NGF: variants seen among roughly 807,000 people sequenced by gnomAD.
NGF encodes nerve growth factor.
A neutral mutation model predicts 12.8 loss-of-function variants in NGF; 4 were observed. The ratio of observed to expected loss-of-function variants is 0.31; its 90% CI spans 0.15 to 0.72. The LOEUF is 0.72. Among genes scored for constraint, NGF ranks in the 30% least tolerant of loss-of-function variants. The probability of loss-of-function intolerance (pLI) is 0.69; values close to 1 mark genes in which losing one functional copy is unlikely to be tolerated. For synonymous variants in NGF, 140 were observed against 130.0 expected (o/e 1.08, Z -0.52); for missense variants, 283 against 330.8 (o/e 0.86, Z 1.12).
chr1:115,337,289 T>G lies in NGF; in HGVS notation c.-137+915A>C, dbSNP rs995026222. On this transcript the variant is annotated intron_variant, in intron 1 of 2. Transcript: ENST00000369512. ...TTTGTTTTTTTTTTTTTTTTTTTTT[T>G]TTTTTTTTTTTTTTTTAGAAGGAGG... Among the ~76,000 whole-genome samples the G allele has an allele frequency of 5.2e-4, 70 of 134,710 alleles. 3 individuals carry two copies. The highest frequency in any genetic ancestry group is 1.6e-3 in the African/African-American group (56 of 35,632). The allele number at this position is 134,710 out of a possible 152,430, so 88.4% of individuals were successfully genotyped here.
At position 115,286,235 on chromosome 1, in the gene NGF, G is replaced by A. The variant is rs779744960; in HGVS notation, c.561C>T (p.Ser187=). The A allele has an allele frequency of 1.3e-4, 203 of 1,614,012 alleles. No individual in the cohort carries two copies. Among genetic ancestry groups the A allele is most frequent in the Non-Finnish European group, 1.6e-4 (184 of 1,180,030 alleles). ...TKCRDPNPVD[S]GCRGIDSKHW... ...GCTTTGAGTCAATGCCCCGGCACCC[G>A]CTGTCAACGGGATTTGGGTCCCGGC... The change falls in exon 3 of 3, where the codon AGC becomes AGT. Residue 187 remains serine (S), a synonymous_variant. Transcript: ENST00000369512.
chr1:115,307,462 C>G (rs1336324996), intron 1 of NGF, among the ~76,000 whole-genome samples: 3 of 152,184 alleles, frequency 2.0e-5, no homozygotes, highest in African/African-American at 7.2e-5. Context: ...TGAAGATAAT[C>G]TCAACCTCAG....
intron 1 of NGF, among the ~76,000 whole-genome samples, chr1:115,318,582 C>G (rs1439460719): frequency 1.3e-5 from 2 of 152,220 alleles, no homozygotes; most frequent in African/African-American, 4.8e-5. Context: ...TTCCAACAGT[C>G]TGTCTGCTCA....
chr1:115,318,949 G>A (rs1454980796), intron 1 of NGF, among the ~76,000 whole-genome samples: 1 of 152,186 alleles, frequency 6.6e-6, no homozygotes, highest in Non-Finnish European at 1.5e-5. Flanking sequence ...GCTTACAGCA[G>A]GGCTATGGAC....
At chr1:115,290,386 CTTTTTTTT>C (rs67332447) in intron 2 of NGF, among the ~76,000 whole-genome samples, 1 of 64,412 alleles carries the variant, frequency 1.6e-5, no homozygotes, top group African/African-American at 5.7e-5. Flanking sequence ...CTTCTCTCAT[CTTTTTTTT>C]TTTTTTTTTT....
chr1:115,323,821 G>C (rs550719286), intron 1 of NGF, among the ~76,000 whole-genome samples: 1 of 152,290 alleles, frequency 6.6e-6, no homozygotes, highest in South Asian at 2.1e-4. Flanking sequence ...GCAGCAAAAC[G>C]AACCAGAGTT....
chr1:115,315,650 T>C (rs1571088496), intron 1 of NGF, among the ~76,000 whole-genome samples: 2 of 152,136 alleles, frequency 1.3e-5, no homozygotes, highest in African/African-American at 4.8e-5. Context: ...ATATTGGACA[T>C]ACACATGGAA....
intron 1 of NGF, among the ~76,000 whole-genome samples, chr1:115,337,261 GTTTTTGTTTTTTTTTTTTTTTTTTTTTT>G (rs1655141760): frequency 8.5e-5 from 1 of 11,758 alleles, no homozygotes; most frequent in Non-Finnish European, 1.9e-4. Flanking sequence ...TTTTTGTTTT[GTTTTTGTTTTTTTTTTTTTTTTTTTTTT>G]TTTTTTTTTT....
chr1:115,290,386 CTTTTTTTTTTTTTT>C (rs67332447), intron 2 of NGF, among the ~76,000 whole-genome samples: 9 of 64,414 alleles, frequency 1.4e-4, no homozygotes, highest in African/African-American at 4.0e-4. Flanking sequence ...CTTCTCTCAT[CTTTTTTTTTTTTTT>C]TTTTTTTTTT....
intron 1 of NGF, among the ~76,000 whole-genome samples, chr1:115,313,288 T>C (rs1210442742): frequency 1.3e-5 from 2 of 152,238 alleles, no homozygotes; most frequent in African/African-American, 4.8e-5. Flanking sequence ...TTGAAAATCT[T>C]TGGAGTTGTC....
intron 1 of NGF, among the ~76,000 whole-genome samples, chr1:115,330,874 C>T (rs1018023956): frequency 6.6e-6 from 1 of 152,154 alleles, no homozygotes; most frequent in Non-Finnish European, 1.5e-5. Flanking sequence ...TGGAGTACTT[C>T]TCCTTACTGA....
intron 1 of NGF, among the ~76,000 whole-genome samples, chr1:115,329,148 GAGA>G (rs777342718): frequency 4.1e-4 from 62 of 151,914 alleles, no homozygotes; most frequent in Non-Finnish European, 7.4e-4. Context: ...AGAGGAAGAA[GAGA>G]AGGAGGAGGA....
intron 1 of NGF, among the ~76,000 whole-genome samples, chr1:115,313,698 T>C (rs1292881805): frequency 6.6e-6 from 1 of 152,232 alleles, no homozygotes; most frequent in Non-Finnish European, 1.5e-5. Flanking sequence ...TTAAAAATAA[T>C]TGATAGTGAC....
At chr1:115,297,946 G>A (rs1287818560) in intron 1 of NGF, among the ~76,000 whole-genome samples, 2 of 152,234 alleles carry the variant, frequency 1.3e-5, no homozygotes, top group Non-Finnish European at 2.9e-5. Context: ...CCAGGGCTGG[G>A]AGCCCTAGGT....
chr1:115,314,133 A>C (rs1224649441), intron 1 of NGF, among the ~76,000 whole-genome samples: 1 of 152,186 alleles, frequency 6.6e-6, no homozygotes, highest in Admixed American at 6.5e-5. Flanking sequence ...TAGCAGAAAT[A>C]AACAGGAGCA....
chr1:115,295,733 T>G (rs1653847142), intron 1 of NGF, among the ~76,000 whole-genome samples: 1 of 152,310 alleles, frequency 6.6e-6, no homozygotes, highest in South Asian at 2.1e-4. Context: ...CCTTTGGCTC[T>G]GATCATCTGA....
chr1:115,331,613 G>C (rs1411145538), intron 1 of NGF, among the ~76,000 whole-genome samples: 1 of 152,164 alleles, frequency 6.6e-6, no homozygotes, highest in South Asian at 2.1e-4. Flanking sequence ...CAAAGTTTTG[G>C]CTTTTCTTGA....
intron 1 of NGF, among the ~76,000 whole-genome samples, chr1:115,324,362 A>G (rs568888088): frequency 6.6e-6 from 1 of 152,274 alleles, no homozygotes; most frequent in South Asian, 2.1e-4. Flanking sequence ...TTTGTCCCTT[A>G]TCTGCCTTCC....
In NGF at chr1:115,286,651, G is replaced by A. The variant is rs146716262; in HGVS notation, c.145C>T (p.Arg49Cys). The change falls in exon 3 of 3, where the codon CGC (arginine) becomes TGC (cysteine). Residue 49 changes from arginine (R) to cysteine (C), a missense_variant. Arg to Cys is a radical substitution (Grantham distance 180). Around this residue, in one of 2 missense-constraint regions of NGF, gnomAD observed 151 missense variants for 141.6 expected, o/e 1.07. Coordinates refer to ENST00000369512, the MANE Select transcript of NGF (RefSeq NM_002506.3). Reference protein sequence around the residue: ...KLQHSLDTALRRARSAPAAAI... With the variant: ...KLQHSLDTALCRARSAPAAAI... ...GCTGCCGGGGCGCTGCGGGCTCTGC[G>A]AAGGGCAGTGTCAAGGGAATGCTGA... 20 of 1,614,118 alleles carry A rather than the reference G, an allele frequency of 1.2e-5. No individual in the cohort carries two copies. The African/African-American group carries it at 2.5e-4, about 20-fold the overall frequency.
Sources: allele counts gnomAD v4.1 joint callset (sites outside exome capture counted in the v4.1 genomes callset), GRCh38; gene constraint gnomAD v4.1.1; regional missense constraint gnomAD v4.1.1; transcripts MANE v1.5; gene names NCBI Gene and HGNC (gene_info 2026-07-23, HGNC 2026-07-21).